The following RPL26L1 variants were observed in gnomAD, a reference collection of about 807,000 sequenced individuals.
RPL26L1 encodes the protein ribosomal protein L26 like 1, also known as ribosomal protein uL24-like.
RPL26L1 carries 8 observed loss-of-function variants against 15.2 expected under a neutral mutation model. The observed-to-expected ratio is 0.53, with a 90% CI of 0.31 to 0.95. RPL26L1 has a LOEUF of 0.95. Ranked by LOEUF, RPL26L1 falls within the 40% of genes least tolerant of loss-of-function variation. RPL26L1 has a pLI of 0.05. For synonymous variants in RPL26L1, 51 were observed against 65.9 expected (o/e 0.77, Z 1.09); for missense variants, 146 against 190.9 (o/e 0.76, Z 1.39).
intron 2 of RPL26L1, among the ~76,000 whole-genome samples, chr5:172,967,811 A>G (rs181863493): frequency 9.3e-5 from 14 of 151,122 alleles, no homozygotes; most frequent in African/African-American, 2.9e-4. Flanking sequence ...TATATGACAT[A>G]TAAGTACATA....
intron 2 of RPL26L1, among the ~76,000 whole-genome samples, chr5:172,965,212 T>G (rs2113542684): frequency 6.6e-6 from 1 of 152,212 alleles, no homozygotes; most frequent in Non-Finnish European, 1.5e-5. Flanking sequence ...AATATCCCTG[T>G]TTCTGCCTAA....
At chr5:172,957,619 GTGAGTGAATGAA>G (rs1305432497), upstream of RPL26L1, 3 of 250,578 alleles carry the variant, frequency 1.2e-5, no homozygotes, top group Non-Finnish European at 2.4e-5. Context: ...CAGTGAGTGA[GTGAGTGAATGAA>G]TGAGTGAATG....
chr5:172,969,246 T>C (rs190833302), intron 3 of RPL26L1, among the ~76,000 whole-genome samples, 167 bp from the exon 4 acceptor site: 15 of 152,328 alleles, frequency 9.8e-5, no homozygotes, highest in African/African-American at 3.6e-4. Context: ...CATGCTATTT[T>C]TCCTTTGTGT....
rs139489161 is a variant in RPL26L1, at chr5:172,968,479, A to C, written c.189A>C (p.Lys63Asn). 1.8e-4 allele frequency: 287 copies of C among 1,613,972 alleles called. No individual in the cohort carries two copies. The highest frequency in any genetic ancestry group is 2.3e-4 in the Non-Finnish European group (273 of 1,179,984). ...DEVQVVRGHY[K>N]GQQIGKVVQV... ...CTTAGGTAGTTCGAGGACACTACAA[A>C]GGTCAGCAAATTGGCAAGGTAGTCC... The change falls in exon 3 of 4, where the codon AAA becomes AAC. Residue 63 changes from lysine to asparagine, a missense_variant. By Grantham distance (94) the Lys-to-Asn change is moderately conservative. Transcript: ENST00000265100.
chr5:172,959,834 C>A, intron 1 of RPL26L1, 31 bp from the exon 2 acceptor site: 1 of 1,611,360 alleles, frequency 6.2e-7, no homozygotes, highest in African/African-American at 1.3e-5. Flanking sequence ...ACTGAGCGCC[C>A]CTTCATTCCG....
Position 172,963,050 on chromosome 5 carries a change from G to C in RPL26L1, c.168+3009G>C, listed in dbSNP as rs1485274433. On this transcript the variant is annotated intron_variant, in intron 2 of 3. Transcript: ENST00000265100. Reference sequence around the variant, plus strand: ...GACCTGAGAAATGAGGAGTTAGCCAGGTGCTTACCAATGGTGCCTGATGTG... The same window carrying C: ...GACCTGAGAAATGAGGAGTTAGCCACGTGCTTACCAATGGTGCCTGATGTG... Among the ~76,000 whole-genome samples the C allele has an allele frequency of 2.6e-5, 4 of 151,918 alleles. No homozygotes were observed. The South Asian group carries it at 8.3e-4, about 32-fold the overall frequency.
At chr5:172,960,350 C>G (rs1359365646) in intron 2 of RPL26L1, among the ~76,000 whole-genome samples, 2 of 152,138 alleles carry the variant, frequency 1.3e-5, no homozygotes, top group Non-Finnish European at 2.9e-5. Flanking sequence ...CTCCTGGCCT[C>G]AAGTGATCCT....
chr5:172,955,191 C>T (rs1263412850), upstream of RPL26L1: 8 of 341,170 alleles, frequency 2.3e-5, no homozygotes, highest in East Asian at 7.7e-5. Flanking sequence ...TGCAATGGCG[C>T]GATATCGGCT....
upstream of RPL26L1, chr5:172,958,474 CG>C: frequency 2.2e-6 from 1 of 455,670 alleles, no homozygotes; most frequent in African/African-American, 2.0e-5. Context: ...AATGAATGAA[CG>C]AAAGGGAGAG....
upstream of RPL26L1, chr5:172,957,253 A>G (rs1474741568): frequency 2.2e-6 from 1 of 456,192 alleles, no homozygotes; most frequent in African/African-American, 2.0e-5. Context: ...TTAGAATGAC[A>G]GCCTCCAGCT....
At chr5:172,957,269 C>T (rs1347847501), upstream of RPL26L1, 2 of 456,276 alleles carry the variant, frequency 4.4e-6, no homozygotes, top group South Asian at 3.1e-5. Context: ...CAGCTCTTGT[C>T]ATCCAGGATA....
upstream of RPL26L1, chr5:172,957,091 T>A (rs767257004): frequency 3.0e-4 from 128 of 432,468 alleles, no homozygotes; most frequent in Non-Finnish European, 5.3e-4. Context: ...CCCAAGCGAT[T>A]TGGGTGCCAG....
At chr5:172,960,068 G>C (rs1480890553) in intron 2 of RPL26L1, 27 bp downstream of exon 2, 2 of 1,613,270 alleles carry the variant, frequency 1.2e-6, no homozygotes, top group African/African-American at 1.3e-5. Flanking sequence ...CGCTAGTGGC[G>C]CTCGGACACC....
rs956347654 is a variant in RPL26L1 at position 172,959,793 on chromosome 5, G to T, written c.-9-72G>T. On this transcript the variant is annotated intron_variant, in intron 1 of 3. Coordinates refer to ENST00000265100, the MANE Select transcript of RPL26L1 (RefSeq NM_016093.4). ...GAGCCTTTGTTGGGGGATGAGGAGT[G>T]TCTTGGGTCGAGAACAGGCCCCTGT... is the stretch of plus-strand genomic sequence containing the variant. 4 of 1,510,764 alleles carry T rather than the reference G, an allele frequency of 2.6e-6. No homozygotes were observed. The African/African-American group carries it at 5.5e-5, about 21-fold the overall frequency. The allele number at this position is 1,510,764 out of a possible 1,614,324, so 93.6% of individuals were successfully genotyped here.
At chr5:172,962,568 A>G (rs2113533701) in intron 2 of RPL26L1, among the ~76,000 whole-genome samples, 1 of 151,926 alleles carries the variant, frequency 6.6e-6, no homozygotes, top group East Asian at 1.9e-4. Context: ...CTGTAATCCC[A>G]GCACTTTGGG....
Position 172,968,500 on chromosome 5 carries a change from A to C in RPL26L1, c.210A>C (p.Val70=), listed in dbSNP as rs1581614493. The part of the protein sequence containing the change: ...GHYKGQQIGK[V]VQVYRKKYVI... ...ACAAAGGTCAGCAAATTGGCAAGGTAGTCCAGGTGTACAGAAAGAAATATG... is the reference window on the plus strand; with the variant it reads ...ACAAAGGTCAGCAAATTGGCAAGGTCGTCCAGGTGTACAGAAAGAAATATG... Residue 70 remains valine, a synonymous_variant, in exon 3 of 4, where the codon GTA becomes GTC. Coordinates refer to ENST00000265100, the MANE Select transcript of RPL26L1 (RefSeq NM_016093.4). 2.5e-6 allele frequency: 4 copies of C among 1,614,168 alleles called. No homozygotes were observed. In the East Asian group the frequency reaches 8.9e-5, roughly 36 times the overall value.
At chr5:172,962,170 AT>A (rs1201599805) in intron 2 of RPL26L1, among the ~76,000 whole-genome samples, 1 of 152,068 alleles carries the variant, frequency 6.6e-6, no homozygotes, top group Non-Finnish European at 1.5e-5. Context: ...ACCTTTGTCC[AT>A]TTTCCACAGA....
At chr5:172,959,537 G>T in intron 1 of RPL26L1, 69 bp downstream of exon 1, 6 of 1,114,920 alleles carry the variant, frequency 5.4e-6, no homozygotes, top group Non-Finnish European at 6.7e-6. Flanking sequence ...CCTATGTGTC[G>T]CGGGAACACA....
At chr5:172,957,134 C>T (rs957311652), upstream of RPL26L1, 47 of 454,434 alleles carry the variant, frequency 1.0e-4, no homozygotes, top group Middle Eastern at 3.3e-4. Flanking sequence ...GCCACTGCCT[C>T]GAGAAATAAA....
Sources: gnomAD v4.1 joint callset for allele counts (sites outside exome capture counted in the v4.1 genomes callset) on GRCh38, gnomAD v4.1.1 for gene constraint, MANE v1.5 for transcripts, NCBI Gene and HGNC (gene_info 2026-07-23, HGNC 2026-07-21) for gene names.